The following NDUFAF6 variants were observed in gnomAD, a reference collection of about 807,000 sequenced individuals.
NDUFAF6 encodes the protein NADH dehydrogenase (ubiquinone) complex I, assembly factor 6.
In NDUFAF6, 45 loss-of-function variants were observed where a neutral mutation model predicts 40.8. That is an observed-to-expected ratio of 1.10 (90% confidence interval 0.87 to 1.42). NDUFAF6 has a LOEUF of 1.42. NDUFAF6 is among the 40% of genes most tolerant of loss of function. The probability of loss-of-function intolerance (pLI) is 0.00; values close to 1 mark genes in which losing one functional copy is unlikely to be tolerated. For missense variants in NDUFAF6, 435 were observed against 418.5 expected, an observed-to-expected ratio of 1.04 and a Z score of -0.34; for synonymous variants, 185 against 155.9, an observed-to-expected ratio of 1.19 and a Z score of -1.39.
intron 1 of NDUFAF6, among the ~76,000 whole-genome samples, chr8:94,917,381 G>A (rs1458977012): frequency 6.6e-6 from 1 of 152,078 alleles, no homozygotes; most frequent in Admixed American, 6.6e-5. Context: ...GTACTGCTGT[G>A]GAATACAACT....
chr8:95,088,734 T>G (rs879477101), intron 2 of NDUFAF6, among the ~76,000 whole-genome samples: 20,502 of 78,682 alleles, frequency 0.26, 1,841 homozygotes, highest in African/African-American at 0.41. Context: ...TGTGTTTTCT[T>G]TTTGTTTTCT....
In NDUFAF6 at chr8:95,057,955, G is replaced by T; in HGVS notation, c.*18G>T. The T allele has an allele frequency of 6.7e-7, 1 of 1,496,230 alleles. No individual in the cohort carries two copies. The highest frequency in any genetic ancestry group is 9.3e-7 in the Non-Finnish European group (1 of 1,075,820). 92.7% of individuals were successfully genotyped at this position (1,496,230 alleles called of 1,614,324 possible). ...CATATTAAAATAATTTCATGGCATT[G>T]ATGTTAATTCTAGTCTATTAGTTTT... On this transcript the variant is annotated 3_prime_UTR_variant, in exon 9 of 9. Coordinates refer to ENST00000396124, the MANE Select transcript of NDUFAF6 (RefSeq NM_152416.4).
At chr8:95,056,628 C>T (rs974541160) in intron 8 of NDUFAF6, among the ~76,000 whole-genome samples, 9 of 150,592 alleles carry the variant, frequency 6.0e-5, no homozygotes, top group South Asian at 2.2e-4. Flanking sequence ...AGATAATGGC[C>T]GGGTGCGGTG....
intron 2 of NDUFAF6, among the ~76,000 whole-genome samples, chr8:95,003,810 A>G (rs182517133): frequency 6.6e-6 from 1 of 152,350 alleles, no homozygotes; most frequent in East Asian, 1.9e-4. Flanking sequence ...TACATAGAAC[A>G]TAAAATTTGT....
chr8:95,048,711 C>CT (rs1314075943), intron 7 of NDUFAF6, among the ~76,000 whole-genome samples, 153 bp downstream of exon 7: 10 of 152,088 alleles, frequency 6.6e-5, no homozygotes, highest in African/African-American at 2.2e-4. Context: ...CTGTTGTAAA[C>CT]TTTTTTCACT....
chr8:95,025,033 G>C lies in NDUFAF6; in HGVS notation c.25G>C (p.Val9Leu), dbSNP rs1307138691. The change falls in exon 1 of 9, where the codon GTC becomes CTC. Residue 9 changes from valine to leucine, a missense_variant. Val to Leu is a conservative substitution (Grantham distance 32). Transcript: ENST00000396124. MAASAHGS[V>L]WGPLRLGIPG... is the part of the protein sequence containing the mutation. ...CATGGCGGCCTCCGCGCACGGCTCT[G>C]TCTGGGGGCCGTTGCGGCTTGGCAT... The C allele has an allele frequency of 2.1e-6, 3 of 1,410,024 alleles. No homozygotes were observed. In the South Asian group the frequency reaches 4.8e-5, roughly 23 times the overall value. The allele number at this position is 1,410,024 out of a possible 1,614,324, so 87.3% of individuals were successfully genotyped here. A position where few individuals can be genotyped will look rare whatever the true frequency, so the allele number is the denominator to read the frequency against.
intron 2 of NDUFAF6, among the ~76,000 whole-genome samples, chr8:94,999,289 A>G (rs927756184): frequency 6.6e-6 from 1 of 151,666 alleles, no homozygotes; most frequent in African/African-American, 2.4e-5. Context: ...ACACCCAGCT[A>G]ATTTTTGTAT....
intron 3 of NDUFAF6, among the ~76,000 whole-genome samples, chr8:95,041,152 G>A (rs1830100321): frequency 6.6e-6 from 1 of 152,168 alleles, no homozygotes; most frequent in Admixed American, 6.5e-5. Context: ...TTGGGAGGTT[G>A]AGGCAGGAAG....
At chr8:95,016,719 C>A in intron 2 of NDUFAF6, among the ~76,000 whole-genome samples, 1 of 151,868 alleles carries the variant, frequency 6.6e-6, no homozygotes, top group Non-Finnish European at 1.5e-5. Flanking sequence ...TCCAGCCTGG[C>A]GACAGAGAGA....
downstream of NDUFAF6, among the ~76,000 whole-genome samples, chr8:95,105,692 G>A (rs1353763888): frequency 2.0e-5 from 3 of 151,996 alleles, no homozygotes; most frequent in East Asian, 3.9e-4. Context: ...TACTAGAGAC[G>A]GAGTTTCACC....
At chr8:95,040,334 C>T (rs747921211) in intron 3 of NDUFAF6, among the ~76,000 whole-genome samples, 1 of 152,178 alleles carries the variant, frequency 6.6e-6, no homozygotes. Flanking sequence ...TCCTTTATGG[C>T]ACTGTTAATT....
At chr8:95,013,951 C>T (rs1827333135) in intron 2 of NDUFAF6, among the ~76,000 whole-genome samples, 1 of 152,174 alleles carries the variant, frequency 6.6e-6, no homozygotes, top group African/African-American at 2.4e-5. Context: ...GACATGCACA[C>T]AGGGAGAATG....
chr8:94,930,570 C>T lies in NDUFAF6; in HGVS notation c.-935-14913C>T, dbSNP rs866529450. The T allele has an allele frequency of 3.7e-6, 6 of 1,614,010 alleles. No homozygotes were observed. Among genetic ancestry groups the T allele is most frequent in the Middle Eastern group, 1.6e-4 (1 of 6,084 alleles). ...GTGGCAATCCCTGGTAAGATTTTGG[C>T]GACGAAGGCTATTTCTGTTAAGAGG... On this transcript the variant is annotated intron_variant, in intron 1 of 14. Coordinates refer to the NDUFAF6 transcript ENST00000396113.
At chr8:94,971,472 C>T (rs968183261) in intron 1 of NDUFAF6, among the ~76,000 whole-genome samples, 1 of 152,186 alleles carries the variant, frequency 6.6e-6, no homozygotes, top group Non-Finnish European at 1.5e-5. Flanking sequence ...TTCTTCCATC[C>T]TGGGTTACTT....
chr8:95,093,519 A>G (rs764518444), intron 2 of NDUFAF6, among the ~76,000 whole-genome samples: 24 of 152,358 alleles, frequency 1.6e-4, no homozygotes, highest in Non-Finnish European at 2.1e-4. Flanking sequence ...TCAACAATGT[A>G]TACCCAATCA....
At chr8:94,959,252 G>A (rs1487061676) in intron 1 of NDUFAF6, among the ~76,000 whole-genome samples, 17 of 152,156 alleles carry the variant, frequency 1.1e-4, no homozygotes, top group Admixed American at 1.1e-3. Context: ...TCCTGTCTTT[G>A]AGAGCAGCAG....
intron 2 of NDUFAF6, among the ~76,000 whole-genome samples, chr8:94,995,788 C>G (rs962603037): frequency 2.0e-5 from 3 of 152,070 alleles, no homozygotes; most frequent in African/African-American, 7.2e-5. Flanking sequence ...TGCTTACTCC[C>G]TTTTTTTGAG....
At chr8:94,981,080 C>T (rs377255358) in intron 2 of NDUFAF6, 6 of 420,854 alleles carry the variant, frequency 1.4e-5, no homozygotes, top group Middle Eastern at 3.4e-4. Context: ...ACAAAACTCA[C>T]GTTGAGGCTT....
chr8:94,994,321 C>T (rs1432553281), intron 2 of NDUFAF6, among the ~76,000 whole-genome samples: 6 of 151,874 alleles, frequency 4.0e-5, no homozygotes, highest in South Asian at 2.1e-4. Context: ...GAGGCCGAGG[C>T]GAGTGGATCA....
Sources: gnomAD v4.1 joint callset for allele counts (sites outside exome capture counted in the v4.1 genomes callset) on GRCh38, gnomAD v4.1.1 for gene constraint, MANE v1.5 for transcripts, NCBI Gene and HGNC (gene_info 2026-07-23, HGNC 2026-07-21) for gene names.